Variants in FSTL4 observed in about 807,000 individuals in gnomAD.
FSTL4 encodes the protein follistatin-related protein 4.
A neutral mutation model predicts 78.2 loss-of-function variants in FSTL4; 28 were observed. The ratio of observed to expected loss-of-function variants is 0.36; its 90% CI spans 0.27 to 0.49. The LOEUF is 0.49. Ranked by LOEUF, FSTL4 falls within the 20% of genes least tolerant of loss-of-function variation. The pLI is 0.98. For missense variants in FSTL4, 922 were observed against 1,084.9 expected (o/e 0.85, Z 2.11); for synonymous variants, 422 against 440.5 (o/e 0.96, Z 0.53).
intron 4 of FSTL4, among the ~76,000 whole-genome samples, chr5:133,382,294 G>A (rs895159457): frequency 2.6e-5 from 4 of 152,334 alleles, no homozygotes; most frequent in South Asian, 2.1e-4. Flanking sequence ...CATGCTGGAT[G>A]TACTGCGTGA....
chr5:133,212,286 T>G (rs1048421916), intron 13 of FSTL4, among the ~76,000 whole-genome samples: 2 of 152,270 alleles, frequency 1.3e-5, no homozygotes, highest in Non-Finnish European at 2.9e-5. Context: ...TTTCATACTC[T>G]TATTCTAAGG....
chr5:133,365,399 G>A (rs1371000405), intron 4 of FSTL4, among the ~76,000 whole-genome samples: 1 of 152,178 alleles, frequency 6.6e-6, no homozygotes, highest in Non-Finnish European at 1.5e-5. Context: ...CCAAGTTGCT[G>A]AGCCAGGGGG....
At chr5:133,548,703 A>C (rs1439150094) in intron 3 of FSTL4, among the ~76,000 whole-genome samples, 1 of 152,210 alleles carries the variant, frequency 6.6e-6, no homozygotes, top group African/African-American at 2.4e-5. Flanking sequence ...AACCCATAAG[A>C]CAGAATCAAA....
chr5:133,613,207 G>C (rs1761141068), upstream of FSTL4, among the ~76,000 whole-genome samples: 1 of 152,224 alleles, frequency 6.6e-6, no homozygotes, highest in Non-Finnish European at 1.5e-5. Flanking sequence ...AACATCAGCA[G>C]CTTTTGAGAT....
intron 6 of FSTL4, among the ~76,000 whole-genome samples, chr5:133,273,767 G>A (rs750576639): frequency 1.3e-5 from 2 of 152,168 alleles, no homozygotes; most frequent in South Asian, 2.1e-4. Flanking sequence ...TGCAGGCAGC[G>A]GAAGGAGTAA....
intron 8 of FSTL4, 111 bp downstream of exon 8, chr5:133,233,306 G>T: frequency 8.7e-7 from 1 of 1,148,794 alleles, no homozygotes; most frequent in Non-Finnish European, 1.3e-6. Flanking sequence ...GATATATTTT[G>T]GGGTTAGATA....
the FSTL4 span, among the ~76,000 whole-genome samples, chr5:133,654,810 G>A: frequency 6.6e-6 from 1 of 152,178 alleles, no homozygotes; most frequent in Non-Finnish European, 1.5e-5. Context: ...ACGAGTTCAG[G>A]TCCTTCCCAG....
intron 6 of FSTL4, among the ~76,000 whole-genome samples, chr5:133,250,377 C>T (rs1324982288): frequency 6.6e-6 from 1 of 152,064 alleles, no homozygotes; most frequent in Non-Finnish European, 1.5e-5. Flanking sequence ...AGTCAGCGGC[C>T]CACTGATGGG....
chr5:133,212,221 C>A (rs1265430248), intron 13 of FSTL4, among the ~76,000 whole-genome samples: 1 of 152,252 alleles, frequency 6.6e-6, no homozygotes, highest in Non-Finnish European at 1.5e-5. Context: ...AAACTTCCCT[C>A]AAGTTTGGAC....
chr5:133,748,506 G>GGTT, the FSTL4 span, among the ~76,000 whole-genome samples: 1 of 152,216 alleles, frequency 6.6e-6, no homozygotes. Context: ...GGGAGGCAGA[G>GGTT]GTTGCAGTAA....
chr5:133,804,858 G>A, the FSTL4 span, among the ~76,000 whole-genome samples: 8 of 151,162 alleles, frequency 5.3e-5, no homozygotes, highest in African/African-American at 7.3e-5. Context: ...GCAGGAGAAC[G>A]GCATGAACCC....
intron 7 of FSTL4, among the ~76,000 whole-genome samples, chr5:133,241,839 C>G (rs1751882534): frequency 6.6e-6 from 1 of 152,200 alleles, no homozygotes; most frequent in Non-Finnish European, 1.5e-5. Flanking sequence ...GGTTTCAGCT[C>G]CTGACTCTAA....
At position 133,225,826 on chromosome 5, in the gene FSTL4, G is replaced by T; in HGVS notation, c.1016-7C>A. ...ACACGGATGACTGGCGGCACTGTGG[G>T]TGAGAGTCAGTGCTGGTGAGAAAGA... On this transcript the variant is annotated splice_region_variant and splice_polypyrimidine_tract_variant and intron_variant, in intron 8 of 15. Transcript: ENST00000265342. This position sits in a 1 kb window ranked among gnomAD's most constrained non-coding sequence, Gnocchi z 4.6. 6.4e-7 allele frequency: 1 copy of T among 1,558,256 alleles called. No individual in the cohort carries two copies. The highest frequency in any genetic ancestry group is 8.7e-7 in the Non-Finnish European group (1 of 1,153,656).
chr5:133,355,071 G>A (rs1261485947), intron 4 of FSTL4, among the ~76,000 whole-genome samples: 1 of 152,258 alleles, frequency 6.6e-6, no homozygotes, highest in African/African-American at 2.4e-5. Context: ...CTAAGCAGTT[G>A]TTGGTATGTA....
At chr5:133,837,147 T>C in the FSTL4 span, among the ~76,000 whole-genome samples, 1 of 152,090 alleles carries the variant, frequency 6.6e-6, no homozygotes, top group South Asian at 2.1e-4. Flanking sequence ...TCTTTTAAAC[T>C]GGAAGTTTTC....
At chr5:133,717,603 C>T in the FSTL4 span, among the ~76,000 whole-genome samples, 4 of 152,216 alleles carry the variant, frequency 2.6e-5, no homozygotes, top group Non-Finnish European at 5.9e-5. Flanking sequence ...CCAGGGCAAA[C>T]AATAATCTGC....
At chr5:133,779,991 C>T in the FSTL4 span, among the ~76,000 whole-genome samples, 5 of 152,292 alleles carry the variant, frequency 3.3e-5, no homozygotes, top group East Asian at 1.9e-4. Flanking sequence ...CTACAGAGGG[C>T]GTCTGTGACC....
At chr5:133,204,591 G>A (rs1750432629) in intron 14 of FSTL4, among the ~76,000 whole-genome samples, 1 of 152,050 alleles carries the variant, frequency 6.6e-6, no homozygotes, top group Non-Finnish European at 1.5e-5. Context: ...CAGTACTTTG[G>A]GAAGCTGAGG....
intron 3 of FSTL4, among the ~76,000 whole-genome samples, chr5:133,540,720 C>CAAAAAAAAAAAAAAAAAAGA (rs1759448613): frequency 2.8e-5 from 2 of 70,264 alleles, no homozygotes; most frequent in Non-Finnish European, 2.7e-5. Context: ...TTAACATAGG[C>CAAAAAAAAAAAAAAAAAAGA]AAAAAAAAAA....
Sources: gnomAD v4.1 joint callset for allele counts (sites outside exome capture counted in the v4.1 genomes callset) on GRCh38, gnomAD v4.1.1 for gene constraint, Gnocchi (gnomAD v3.1) non-coding constraint, MANE v1.5 for transcripts, NCBI Gene and HGNC (gene_info 2026-07-23, HGNC 2026-07-21) for gene names.